PCDHA13: variants seen among roughly 807,000 people sequenced by gnomAD.
PCDHA13 encodes the protein protocadherin alpha 13, also known as protocadherin alpha-13.
Under a neutral mutation model 64.8 loss-of-function variants are expected in PCDHA13, and 54 were observed. The observed-to-expected ratio is 0.83, with a 90% confidence interval of 0.67 to 1.04. The LOEUF is 1.04. Ranked by LOEUF, PCDHA13 falls within the 50% of genes least tolerant of loss-of-function variation. The pLI is 0.00. For missense variants in PCDHA13, 1,248 were observed against 1,254.3 expected, an observed-to-expected ratio of 0.99 and a Z score of 0.08; for synonymous variants, 587 against 564.4, an observed-to-expected ratio of 1.04 and a Z score of -0.57.
chr5:140,902,650 G>C (rs868917041), intron 1 of PCDHA13, among the ~76,000 whole-genome samples: 5 of 152,138 alleles, frequency 3.3e-5, no homozygotes, highest in Admixed American at 1.3e-4. Context: ...AGATTTTGGT[G>C]CACCTGTCAC....
Position 140,906,278 on chromosome 5 carries a change from C to T in PCDHA13, c.2394+21616C>T, listed in dbSNP as rs546102354. On this transcript the variant is annotated intron_variant, in intron 1 of 3. Coordinates refer to ENST00000289272, the MANE Select transcript of PCDHA13 (RefSeq NM_018904.3). ...ACCTCCTGAAATTATAGATAATCTT[C>T]AAATTAAGACAATAATAAGGTCATA... Among the ~76,000 whole-genome samples the T allele has an allele frequency of 4.6e-5, 7 of 152,270 alleles. No homozygotes were observed. In the South Asian group the frequency reaches 6.2e-4, roughly 14 times the overall value.
In PCDHA13 at chr5:140,884,108, G is replaced by A. The variant is rs782424793; in HGVS notation, c.1840G>A (p.Ala614Thr). Residue 614 changes from alanine (A) to threonine (T), a missense_variant, in exon 1 of 4, where the codon GCG (alanine) becomes ACG (threonine). Ala to Thr is a moderately conservative substitution (Grantham distance 58). Coordinates refer to ENST00000289272, the MANE Select transcript of PCDHA13 (RefSeq NM_018904.3). ...GTGGCTTTCGTATGAATTGCAGCTG[G>A]CGGCGGTCGGCGCGCGCATCCCGTT... is the stretch of plus-strand genomic sequence containing the variant. ...NAWLSYELQL[A>T]AVGARIPFRV... The A allele has an allele frequency of 3.1e-6, 5 of 1,613,286 alleles. No individual in the cohort carries two copies. The highest frequency in any genetic ancestry group is 3.3e-5 in the Admixed American group (2 of 59,992).
chr5:140,991,172 G>T (rs2097436221), intron 3 of PCDHA13, among the ~76,000 whole-genome samples: 1 of 152,160 alleles, frequency 6.6e-6, no homozygotes, highest in Non-Finnish European at 1.5e-5. Flanking sequence ...CCATTGTCAA[G>T]CAGGATGCCT....
chr5:140,986,036 G>A (rs2097184937), intron 3 of PCDHA13, among the ~76,000 whole-genome samples: 2 of 152,116 alleles, frequency 1.3e-5, no homozygotes, highest in Admixed American at 1.3e-4. Context: ...ACTGCGCCTG[G>A]CCTCACTGAT....
chr5:140,929,082 G>A, intron 1 of PCDHA13: 2 of 1,614,216 alleles, frequency 1.2e-6, no homozygotes, highest in South Asian at 1.1e-5. Flanking sequence ...ATGGAAGTAA[G>A]ATGGTTTCAA....
At chr5:141,006,579 T>C (rs1208750821) in intron 3 of PCDHA13, among the ~76,000 whole-genome samples, 1 of 151,702 alleles carries the variant, frequency 6.6e-6, no homozygotes, top group Non-Finnish European at 1.5e-5. Context: ...GTGTGGAGGG[T>C]TGGAGAGAAG....
rs190994194 is a variant in PCDHA13, at chr5:140,913,276, C to T, written c.2394+28614C>T. On this transcript the variant is annotated intron_variant, in intron 1 of 3. Transcript: ENST00000289272. ...TTTGATCTAATTACTTGTTATTGGTCTGTTTAGGTTTTAATTTCTTCATAG... is the reference window on the plus strand; with the variant it reads ...TTTGATCTAATTACTTGTTATTGGTTTGTTTAGGTTTTAATTTCTTCATAG... Among the ~76,000 whole-genome samples, 291 of 152,186 alleles carry T rather than the reference C, an allele frequency of 1.9e-3. 1 individual carries two copies. The highest frequency in any genetic ancestry group is 0.01 in the Middle Eastern group (3 of 294).
intron 1 of PCDHA13, among the ~76,000 whole-genome samples, chr5:140,924,131 T>C (rs2081690578): frequency 6.6e-6 from 1 of 152,234 alleles, no homozygotes; most frequent in African/African-American, 2.4e-5. Flanking sequence ...CTTAGCAGCA[T>C]TAATTTAAAA....
intron 1 of PCDHA13, chr5:140,926,951 G>T (rs1554203848): frequency 1.9e-6 from 3 of 1,596,266 alleles, no homozygotes; most frequent in Middle Eastern, 1.7e-4. Context: ...GCTGCAGCGG[G>T]ACAGCTCGAG....
At chr5:140,912,385 C>A (rs1323082765) in intron 1 of PCDHA13, among the ~76,000 whole-genome samples, 6 of 148,114 alleles carry the variant, frequency 4.1e-5, no homozygotes, top group African/African-American at 1.5e-4. Context: ...GGATTGAGTT[C>A]TTAATTTGAT....
At position 140,897,620 on chromosome 5, in the gene PCDHA13, A is replaced by G. The variant is rs1317464980; in HGVS notation, c.2394+12958A>G. On this transcript the variant is annotated intron_variant, in intron 1 of 3. Coordinates refer to ENST00000289272, the MANE Select transcript of PCDHA13 (RefSeq NM_018904.3). Reference sequence around the variant, plus strand: ...ACATTTGGGTTGGTTCCAAGTCTTTACTATTGTGTATAGTGCCACAATAAA... The same window carrying G: ...ACATTTGGGTTGGTTCCAAGTCTTTGCTATTGTGTATAGTGCCACAATAAA... Among the ~76,000 whole-genome samples, 1,214 of 152,126 alleles carry G rather than the reference A, an allele frequency of 8.0e-3. 6 individuals are homozygous for G. The highest frequency in any genetic ancestry group is 0.019 in the African/African-American group (783 of 41,492).
intron 3 of PCDHA13, among the ~76,000 whole-genome samples, chr5:140,998,621 A>G (rs1167341355): frequency 5.3e-5 from 8 of 151,758 alleles, no homozygotes; most frequent in Admixed American, 3.9e-4. Context: ...CTGGAGTGCA[A>G]TGGCACAATC....
intron 1 of PCDHA13, chr5:140,968,616 A>G (rs782318101): frequency 6.2e-7 from 1 of 1,614,154 alleles, no homozygotes; most frequent in Admixed American, 1.7e-5. Flanking sequence ...TCTGGGCAAA[A>G]TGCTTGGCTT....
Position 140,884,047 on chromosome 5 carries a change from G to A in PCDHA13, c.1779G>A (p.Lys593=). Residue 593 remains lysine, a synonymous_variant, in exon 1 of 4, where the codon AAG becomes AAA. Coordinates refer to ENST00000289272, the MANE Select transcript of PCDHA13 (RefSeq NM_018904.3). The part of the protein sequence containing the change: ...RSVGAGHVVA[K]VRAVDADSGY... ...TGGGTGCAGGCCACGTGGTGGCGAA[G>A]GTGCGCGCGGTGGACGCCGATTCGG... The A allele has an allele frequency of 1.9e-6, 3 of 1,613,390 alleles. No individual in the cohort carries two copies. The highest frequency in any genetic ancestry group is 2.2e-5 in the East Asian group (1 of 44,890).
Position 140,982,486 on chromosome 5 carries a change from T to C in PCDHA13, c.2465T>C (p.Leu822Pro). ...LRAGMHSSVH[L>P]EEAGILRAGP... Reference sequence around the variant, plus strand: ...GTGTGTTTATTCAGCTCTGTGCACCTAGAGGAGGCTGGCATTCTACGGGCT... The same window carrying C: ...GTGTGTTTATTCAGCTCTGTGCACCCAGAGGAGGCTGGCATTCTACGGGCT... Residue 822 changes from leucine to proline, a missense_variant, in exon 3 of 4, where the codon CTA (leucine) becomes CCA (proline). Physicochemically the swap from Leu to Pro is moderately conservative, Grantham distance 98. Coordinates refer to ENST00000289272, the MANE Select transcript of PCDHA13 (RefSeq NM_018904.3). The C allele has an allele frequency of 6.2e-7, 1 of 1,614,180 alleles. No individual in the cohort carries two copies. Among genetic ancestry groups the C allele is most frequent in the South Asian group, 1.1e-5 (1 of 91,086 alleles).
At chr5:140,995,203 T>G (rs2097669345) in intron 3 of PCDHA13, among the ~76,000 whole-genome samples, 2 of 152,180 alleles carry the variant, frequency 1.3e-5, no homozygotes, top group African/African-American at 2.4e-5. Flanking sequence ...ATTTATAAAT[T>G]AGGCACAATA....
Position 141,010,515 on chromosome 5 carries a change from CAA to C in PCDHA13, c.*579_*580del, listed in dbSNP as rs1554262971. ...ACCAGACTTTCTAAATCTTACAACTCAAGAGGTGGCAGCCACCCTCTAGGAGA... is the reference window on the plus strand; with the variant it reads ...ACCAGACTTTCTAAATCTTACAACTCGAGGTGGCAGCCACCCTCTAGGAGA... On this transcript the variant is annotated 3_prime_UTR_variant, in exon 4 of 4. Transcript: ENST00000289272. 4.1e-6 allele frequency: 2 copies of C among 483,800 alleles called. No individual in the cohort carries two copies. Among genetic ancestry groups the C allele is most frequent in the African/African-American group, 2.0e-5 (1 of 51,026 alleles). 30.0% of individuals were successfully genotyped at this position (483,800 alleles called of 1,614,324 possible).
intron 1 of PCDHA13, among the ~76,000 whole-genome samples, chr5:140,895,090 T>A (rs2064836305): frequency 6.6e-6 from 1 of 152,190 alleles, no homozygotes; most frequent in Non-Finnish European, 1.5e-5. Flanking sequence ...CTCCTCAGTA[T>A]AGGGGTTTTT....
chr5:140,996,237 G>T (rs1169717703), intron 3 of PCDHA13, among the ~76,000 whole-genome samples: 1 of 152,186 alleles, frequency 6.6e-6, no homozygotes, highest in Non-Finnish European at 1.5e-5. Context: ...GTTGCTCAAG[G>T]CTGAGAAGTG....
Sources: allele counts gnomAD v4.1 joint callset (sites outside exome capture counted in the v4.1 genomes callset), GRCh38; gene constraint gnomAD v4.1.1; transcripts MANE v1.5; gene names NCBI Gene and HGNC (gene_info 2026-07-23, HGNC 2026-07-21).